Variants in SCNN1G observed in about 807,000 individuals in gnomAD.
The protein encoded by SCNN1G is epithelial sodium channel subunit gamma.
SCNN1G carries 27 observed loss-of-function variants against 64.6 expected under a neutral mutation model. The observed-to-expected ratio is 0.42, with a 90% confidence interval of 0.31 to 0.58. SCNN1G has a LOEUF of 0.58. SCNN1G is among the 20% of genes least tolerant of loss of function. SCNN1G has a pLI of 0.18. For missense variants in SCNN1G, 743 were observed against 823.4 expected (o/e 0.90, Z 1.19); for synonymous variants, 330 against 314.2 (o/e 1.05, Z -0.53).
rs755322105 is a variant in SCNN1G, at chr16:23,204,334, T to TAGAGAGAGAGAG, written c.1078-5388_1078-5377dup. The stretch of plus-strand genomic sequence containing the variant: ...ATATATATATATATATATATATATA[T>TAGAGAGAGAGAG]AGAGAGAGAGAGAGAGAGAGAGAGA... On this transcript the variant is annotated intron_variant, in intron 6 of 12. Coordinates refer to ENST00000300061, the MANE Select transcript of SCNN1G (RefSeq NM_001039.4). Among the ~76,000 whole-genome samples the TAGAGAGAGAGAG allele has an allele frequency of 5.3e-3, 81 of 15,150 alleles. 7 individuals are homozygous for TAGAGAGAGAGAG. The highest frequency in any genetic ancestry group is 0.017 in the South Asian group (3 of 172). 9.9% of individuals were successfully genotyped at this position (15,150 alleles called of 152,430 possible). A position where few individuals can be genotyped will look rare whatever the true frequency, so the allele number is the denominator to read the frequency against.
At chr16:23,205,718 A>T (rs1043506459) in intron 6 of SCNN1G, among the ~76,000 whole-genome samples, 1 of 144,326 alleles carries the variant, frequency 6.9e-6, no homozygotes, top group East Asian at 2.1e-4. Context: ...AAAAAAAAAA[A>T]GTCCCTCCCA....
chr16:23,212,766 C>A lies in SCNN1G; in HGVS notation c.1373+10C>A. The A allele has an allele frequency of 6.2e-7, 1 of 1,613,914 alleles. No homozygotes were observed. The highest frequency in any genetic ancestry group is 8.5e-7 in the Non-Finnish European group (1 of 1,179,790). On this transcript the variant is annotated intron_variant, in intron 9 of 12. Transcript: ENST00000300061. ...GCAAGGAAGCCTGCAGGTATGTGGACCCCAAGGGGTGAGACGGGTGGCTGG... is the reference window on the plus strand; with the variant it reads ...GCAAGGAAGCCTGCAGGTATGTGGAACCCAAGGGGTGAGACGGGTGGCTGG...
intron 6 of SCNN1G, among the ~76,000 whole-genome samples, chr16:23,204,340 G>GAA (rs1959954845): frequency 1.0e-5 from 1 of 99,606 alleles, no homozygotes; most frequent in African/African-American, 3.7e-5. Flanking sequence ...TATATAGAGA[G>GAA]AGAGAGAGAG....
Position 23,213,089 on chromosome 16 carries a change from C to A in SCNN1G, c.1432-13C>A. 5 of 1,613,438 alleles carry A rather than the reference C, an allele frequency of 3.1e-6. No homozygotes were observed. Among genetic ancestry groups the A allele is most frequent in the Non-Finnish European group, 4.2e-6 (5 of 1,179,408 alleles). ...AGGCACCCTCAGGCCCACGCTTTCTCTCTCCGTTGTAGAAGTGGTTGCTGC... is the reference window on the plus strand; with the variant it reads ...AGGCACCCTCAGGCCCACGCTTTCTATCTCCGTTGTAGAAGTGGTTGCTGC... On this transcript the variant is annotated splice_polypyrimidine_tract_variant and intron_variant, in intron 10 of 12. Coordinates refer to ENST00000300061, the MANE Select transcript of SCNN1G (RefSeq NM_001039.4).
chr16:23,203,552 C>T lies in SCNN1G; in HGVS notation c.1077+6125C>T, dbSNP rs931192263. On this transcript the variant is annotated intron_variant, in intron 6 of 12. Transcript: ENST00000300061. ...TTGGGAGGCTGAGGTGGGCAGATCA[C>T]GAGGTCAGGAGATTGAGACCATCCT... 1.6e-4 allele frequency among the ~76,000 whole-genome samples: 25 copies of T among 152,008 alleles called. 1 individual carries two copies. The highest frequency in any genetic ancestry group is 6.2e-4 in the South Asian group (3 of 4,806).
At chr16:23,205,440 C>A (rs533571908) in intron 6 of SCNN1G, among the ~76,000 whole-genome samples, 1 of 152,192 alleles carries the variant, frequency 6.6e-6, no homozygotes, top group African/African-American at 2.4e-5. Flanking sequence ...CACAGTGGCT[C>A]ATGCCTGTAA....
intron 5 of SCNN1G, among the ~76,000 whole-genome samples, chr16:23,196,992 T>C (rs917449006): frequency 1.3e-5 from 2 of 152,178 alleles, no homozygotes; most frequent in South Asian, 4.1e-4. Context: ...GCAATTTCCT[T>C]ACACTTGGCA....
chr16:23,197,543 T>C (rs1959816026), intron 6 of SCNN1G, 116 bp downstream of exon 6: 1 of 879,816 alleles, frequency 1.1e-6, no homozygotes, highest in Non-Finnish European at 1.9e-6. Flanking sequence ...GGGAACATGG[T>C]CCCAGATTTT....
intron 2 of SCNN1G, among the ~76,000 whole-genome samples, chr16:23,189,046 T>A (rs1959659725): frequency 6.6e-6 from 1 of 152,040 alleles, no homozygotes; most frequent in African/African-American, 2.4e-5. Flanking sequence ...TGTGGCTGGT[T>A]TATGGGAGGC....
chr16:23,194,935 C>T (rs1276453006), intron 5 of SCNN1G: 1 of 153,104 alleles, frequency 6.5e-6, no homozygotes, highest in Non-Finnish European at 1.5e-5. Flanking sequence ...GATCAAGGCA[C>T]AGGCAGACTC....
In SCNN1G at chr16:23,192,422, A is replaced by G. The variant is rs377187033; in HGVS notation, c.689A>G (p.Tyr230Cys). ...GGAATCAATGCCATTCAGGAGTGGT[A>G]TAAGCTACACTACATGAACATCATG... Reference protein sequence around the residue: ...SSGINAIQEWYKLHYMNIMAQ... With the variant: ...SSGINAIQEWCKLHYMNIMAQ... The change falls in exon 4 of 13, where the codon TAT becomes TGT. Residue 230 changes from tyrosine (Y) to cysteine (C), a missense_variant. Coordinates refer to ENST00000300061, the MANE Select transcript of SCNN1G (RefSeq NM_001039.4). 1.9e-6 allele frequency: 3 copies of G among 1,613,964 alleles called. No individual in the cohort carries two copies. Among genetic ancestry groups the G allele is most frequent in the African/African-American group, 1.3e-5 (1 of 74,928 alleles).
chr16:23,191,337 T>C (rs1005240210), intron 3 of SCNN1G, among the ~76,000 whole-genome samples: 1 of 152,234 alleles, frequency 6.6e-6, no homozygotes, highest in Non-Finnish European at 1.5e-5. Context: ...ATGGACCTTC[T>C]TCTAAATCAT....
intron 5 of SCNN1G, chr16:23,194,937 G>A (rs1959772650): frequency 6.5e-6 from 1 of 153,152 alleles, no homozygotes; most frequent in South Asian, 2.1e-4. Flanking sequence ...TCAAGGCACA[G>A]GCAGACTCGG....
Position 23,192,361 on chromosome 16 carries a change from G to A in SCNN1G, c.628G>A (p.Asp210Asn). 1 of 1,614,006 alleles carries A rather than the reference G, an allele frequency of 6.2e-7. No homozygotes were observed. Among genetic ancestry groups the A allele is most frequent in the Non-Finnish European group, 8.5e-7 (1 of 1,179,936 alleles). Residue 210 changes from aspartate to asparagine, a missense_variant, in exon 4 of 13, where the codon GAC (aspartate) becomes AAC (asparagine). By Grantham distance (23) the Asp-to-Asn change is conservative. Coordinates refer to ENST00000300061, the MANE Select transcript of SCNN1G (RefSeq NM_001039.4). ...QVVGFQLCSNDTSDCATYTFS... is the reference protein window; with the variant it reads ...QVVGFQLCSNNTSDCATYTFS... ...CTCCTCTTATTCACAGTGCTCAAAT[G>A]ACACCTCCGACTGTGCCACCTACAC...
intron 11 of SCNN1G, 27 bp downstream of exon 11, chr16:23,213,190 G>A: frequency 6.4e-7 from 1 of 1,562,180 alleles, no homozygotes; most frequent in Non-Finnish European, 8.8e-7. Flanking sequence ...CTGTTCCTCT[G>A]TCTCTTCCCA....
At chr16:23,191,127 G>C (rs577887442) in intron 3 of SCNN1G, among the ~76,000 whole-genome samples, 78 of 152,186 alleles carry the variant, frequency 5.1e-4, no homozygotes, top group Non-Finnish European at 7.5e-4. Context: ...TTACAGGCGT[G>C]AGCCACCGCA....
intron 6 of SCNN1G, among the ~76,000 whole-genome samples, chr16:23,206,507 T>C (rs929034265): frequency 6.6e-6 from 1 of 152,096 alleles, no homozygotes; most frequent in African/African-American, 2.4e-5. Flanking sequence ...CCTAGCACTT[T>C]GGGAGGCTGA....
chr16:23,208,491 A>C (rs1041425628), intron 6 of SCNN1G, among the ~76,000 whole-genome samples: 3 of 152,064 alleles, frequency 2.0e-5, no homozygotes, highest in African/African-American at 4.8e-5. Context: ...ACATCCTTCA[A>C]GTCAACTTCT....
chr16:23,187,691 C>T (rs1959635766), intron 2 of SCNN1G, among the ~76,000 whole-genome samples: 2 of 152,178 alleles, frequency 1.3e-5, no homozygotes, highest in African/African-American at 2.4e-5. Context: ...TGAATAAACC[C>T]AGCCCCATTA....
Sources: allele counts gnomAD v4.1 joint callset (sites outside exome capture counted in the v4.1 genomes callset), GRCh38; gene constraint gnomAD v4.1.1; transcripts MANE v1.5; gene names NCBI Gene and HGNC (gene_info 2026-07-23, HGNC 2026-07-21).